GATD1: variants seen among roughly 807,000 people sequenced by gnomAD.
GATD1 encodes glutamine amidotransferase class 1 domain containing 1.
In GATD1, 23 loss-of-function variants were observed where a neutral mutation model predicts 25.9. That is an observed-to-expected ratio of 0.89 (90% CI 0.64 to 1.26). The LOEUF (loss-of-function observed/expected upper bound fraction) is 1.26, where lower values mean the gene tolerates loss of function less well. Among genes scored for constraint, GATD1 ranks in the 50% most tolerant of loss-of-function variants. The pLI, the probability that GATD1 is intolerant of heterozygous loss-of-function variation, is 0.00. For missense variants in GATD1, 347 were observed against 312.5 expected (o/e 1.11, Z -0.83); for synonymous variants, 177 against 134.6 (o/e 1.31, Z -2.18).
chr11:770,740 C>A lies in GATD1; in HGVS notation c.*157G>T. 2 of 1,492,380 alleles carry A rather than the reference C, an allele frequency of 1.3e-6. No homozygotes were observed. The highest frequency in any genetic ancestry group is 1.8e-6 in the Non-Finnish European group (2 of 1,127,654). The allele number at this position is 1,492,380 out of a possible 1,614,324, so 92.4% of individuals were successfully genotyped here. On this transcript the variant is annotated 3_prime_UTR_variant, in exon 8 of 8. Transcript: ENST00000319863. Reference sequence around the variant, plus strand: ...CAGGAGAGCCGACACCCCCTCAGAGCTGATTCCAGGAGGCCTCCAACAATC... The same window carrying A: ...CAGGAGAGCCGACACCCCCTCAGAGATGATTCCAGGAGGCCTCCAACAATC...
rs778791896 is a variant in GATD1, at chr11:772,459, A to T, written c.418T>A (p.Ser140Thr). Residue 140 changes from serine (S) to threonine (T), a missense_variant, in exon 5 of 8, where the codon TCC becomes ACC. Ser to Thr is a moderately conservative substitution (Grantham distance 58, BLOSUM62 1). Transcript: ENST00000319863. ...ALCCATNEDR[S>T]WVFDSYSLTG... ...AGGCTGTAGCTGTCGAACACCCAGG[A>T]TCTGTCCTCGTTGGTGGCACAGCAC... 12 of 1,613,416 alleles carry T rather than the reference A, an allele frequency of 7.4e-6. No individual in the cohort carries two copies. In the Admixed American group the frequency reaches 1.8e-4, roughly 25 times the overall value.
rs1863312848 is a variant in GATD1, at chr11:770,247, G to A, written c.*650C>T. 7.1e-7 allele frequency: 1 copy of A among 1,410,434 alleles called. No individual in the cohort carries two copies. The highest frequency in any genetic ancestry group is 9.3e-7 in the Non-Finnish European group (1 of 1,077,904). The allele number at this position is 1,410,434 out of a possible 1,614,324, so 87.4% of individuals were successfully genotyped here. ...ACTTTCCTATCATTGAGAATCTCAT[G>A]GTCTCATATTCACAAGTAAACGTGC... is the stretch of plus-strand genomic sequence containing the variant. On this transcript the variant is annotated 3_prime_UTR_variant, in exon 8 of 8. Transcript: ENST00000319863.
chr11:771,566 T>C, intron 5 of GATD1, 140 bp from the exon 6 acceptor site: 1 of 1,408,300 alleles, frequency 7.1e-7, no homozygotes, highest in Non-Finnish European at 9.2e-7. Context: ...CAGGGACAGC[T>C]GCTAAGGCTG....
intron 3 of GATD1, 104 bp from the exon 4 acceptor site, chr11:773,733 G>A: frequency 1.2e-6 from 1 of 847,196 alleles, no homozygotes. Flanking sequence ...ACAGGGACCA[G>A]CCAGCCTGGT....
In GATD1 at chr11:774,009, A is replaced by G. The variant is rs983902313; in HGVS notation, c.246T>C (p.Asp82=). 6.2e-7 allele frequency: 1 copy of G among 1,613,452 alleles called. No homozygotes were observed. Among genetic ancestry groups the G allele is most frequent in the Non-Finnish European group, 8.5e-7 (1 of 1,179,886 alleles). The change falls in exon 3 of 8, where the codon GAT becomes GAC. Residue 82 remains aspartate (D), a splice_region_variant and synonymous_variant. Transcript: ENST00000319863. ...YASPAKLESI[D]GARYHALLIP... ...CCAAGGAGTGGGTCCCGGGCCTACCATCGATGGACTCGAGCTTGGCGGGGC... is the reference window on the plus strand; with the variant it reads ...CCAAGGAGTGGGTCCCGGGCCTACCGTCGATGGACTCGAGCTTGGCGGGGC...
In GATD1 at chr11:769,323, T is replaced by C. The variant is rs1863236001; in HGVS notation, c.*1574A>G. The C allele has an allele frequency of 7.1e-6, 7 of 982,000 alleles. No individual in the cohort carries two copies. In the South Asian group the frequency reaches 2.8e-4, roughly 40 times the overall value. 60.8% of individuals were successfully genotyped at this position (982,000 alleles called of 1,614,324 possible). A position where few individuals can be genotyped will look rare whatever the true frequency, so the allele number is the denominator to read the frequency against. Reference sequence around the variant, plus strand: ...TTCTCCTTATTGAACGGCTTTATTTTATTATTTTTTATTTTTGAGACGGAG... The same window carrying C: ...TTCTCCTTATTGAACGGCTTTATTTCATTATTTTTTATTTTTGAGACGGAG... On this transcript the variant is annotated 3_prime_UTR_variant, in exon 8 of 8. Transcript: ENST00000319863.
rs574696377 is a variant in GATD1, at chr11:770,487, G to T, written c.*410C>A. Reference sequence around the variant, plus strand: ...CTCAAGGCCCCCACCAACAGTGAAAGAGGTGGTGGGTGGCAGACAGGCCAC... The same window carrying T: ...CTCAAGGCCCCCACCAACAGTGAAATAGGTGGTGGGTGGCAGACAGGCCAC... On this transcript the variant is annotated 3_prime_UTR_variant, in exon 8 of 8. Coordinates refer to ENST00000319863, the MANE Select transcript of GATD1 (RefSeq NM_182612.4). 37 of 1,440,102 alleles carry T rather than the reference G, an allele frequency of 2.6e-5. 1 individual carries two copies. In the South Asian group the frequency reaches 5.3e-4, roughly 21 times the overall value. 89.2% of individuals were successfully genotyped at this position (1,440,102 alleles called of 1,614,324 possible).
chr11:777,214 T>TCCCCGC (rs1864085879), intron 1 of GATD1, 185 bp downstream of exon 1: 1 of 41,102 alleles, frequency 2.4e-5, no homozygotes, highest in Non-Finnish European at 4.9e-5. Context: ...CCCGCCCCCG[T>TCCCCGC]CCCCGCCCCG....
chr11:773,546 G>A lies in GATD1; in HGVS notation c.331C>T (p.Leu111=), dbSNP rs765434239. ...LASSGSLARI[L]QHFHSESKPI... ...CTGCTCTCAGAGTGGAAGTGCTGCA[G>A]GATACGGGCCAGGGAGCCACTGCTG... The change falls in exon 4 of 8, where the codon CTG becomes TTG. Residue 111 remains leucine, a synonymous_variant. Transcript: ENST00000319863. The A allele has an allele frequency of 1.2e-6, 2 of 1,610,620 alleles. No homozygotes were observed. The highest frequency in any genetic ancestry group is 1.7e-6 in the Non-Finnish European group (2 of 1,179,110).
rs906417108 is a variant in GATD1, at chr11:769,493, G to A, written c.*1404C>T. ...CTGACACCACACCCGGCTCATTTTT[G>A]TATTTTAGTTTCACCATGTTGGCCA... On this transcript the variant is annotated 3_prime_UTR_variant, in exon 8 of 8. Transcript: ENST00000319863. 2 of 162,470 alleles carry A rather than the reference G, an allele frequency of 1.2e-5. No individual in the cohort carries two copies. The highest frequency in any genetic ancestry group is 4.8e-5 in the African/African-American group (2 of 41,354). The allele number at this position is 162,470 out of a possible 1,614,324, so 10.1% of individuals were successfully genotyped here.
At chr11:771,182 C>T (rs1156967204) in intron 6 of GATD1, 78 bp from the exon 7 acceptor site, 1 of 1,544,530 alleles carries the variant, frequency 6.5e-7, no homozygotes, top group Non-Finnish European at 8.7e-7. Context: ...GGCGGGCTCC[C>T]AGGGTCAGCA....
Position 767,544 on chromosome 11 carries a change from T to C in GATD1, c.*3353A>G. ...AAGCCCCACCTGCTTTGATCTTCAA[T>C]GCTGGGCTCAATGTCAGATCTGGCT... On this transcript the variant is annotated 3_prime_UTR_variant, in exon 8 of 8. Coordinates refer to ENST00000319863, the MANE Select transcript of GATD1 (RefSeq NM_182612.4). The C allele has an allele frequency of 4.2e-6, 6 of 1,423,306 alleles. No homozygotes were observed. Among genetic ancestry groups the C allele is most frequent in the Non-Finnish European group, 1.8e-6 (2 of 1,094,378 alleles). The allele number at this position is 1,423,306 out of a possible 1,614,324, so 88.2% of individuals were successfully genotyped here.
intron 3 of GATD1, 139 bp downstream of exon 3, chr11:773,869 G>C: frequency 1.3e-6 from 1 of 763,366 alleles, no homozygotes; most frequent in Admixed American, 2.7e-5. Context: ...CCAGGATGTG[G>C]GGCTGGAGGC....
Position 773,590 on chromosome 11 carries a change from C to G in GATD1, c.287G>C (p.Gly96Ala), listed in dbSNP as rs1267417028. The G allele has an allele frequency of 1.2e-6, 2 of 1,609,568 alleles. No homozygotes were observed. The highest frequency in any genetic ancestry group is 8.5e-7 in the Non-Finnish European group (1 of 1,178,920). The part of the protein sequence containing the change: ...YHALLIPSCP[G>A]ALTDLASSGS... The stretch of plus-strand genomic sequence containing the variant: ...ACTGCTGGCCAGGTCGGTCAGGGCC[C>G]CAGGACAGCTGGGGATCAGGAGGGC... Residue 96 changes from glycine to alanine, a missense_variant, in exon 4 of 8, where the codon GGG (glycine) becomes GCG (alanine). Physicochemically the swap from Gly to Ala is moderately conservative, Grantham distance 60. Coordinates refer to ENST00000319863, the MANE Select transcript of GATD1 (RefSeq NM_182612.4).
intron 1 of GATD1, 124 bp from the exon 2 acceptor site, chr11:775,266 A>G (rs1329780766): frequency 6.9e-6 from 5 of 722,392 alleles, no homozygotes; most frequent in Non-Finnish European, 1.1e-5. Context: ...CCTCTCCCCT[A>G]CACCCAAGAA....
chr11:775,080 C>G lies in GATD1; in HGVS notation c.127G>C (p.Val43Leu). The change falls in exon 2 of 8, where the codon GTG (valine) becomes CTG (leucine). Residue 43 changes from valine to leucine, a missense_variant. Transcript: ENST00000319863. ...GCTGGACTTACCCCAGGGGTGGCCA[C>G]CTGCAGGTTGAAGGCGGTGCTGGCC... is the stretch of plus-strand genomic sequence containing the variant. Reference protein sequence around the residue: ...TMASTAFNLQVATPGGKAMEF... With the variant: ...TMASTAFNLQLATPGGKAMEF... 6.2e-7 allele frequency: 1 copy of G among 1,604,252 alleles called. No individual in the cohort carries two copies. The highest frequency in any genetic ancestry group is 8.5e-7 in the Non-Finnish European group (1 of 1,176,694).
chr11:769,180 C>G lies in GATD1; in HGVS notation c.*1717G>C. 2 of 985,440 alleles carry G rather than the reference C, an allele frequency of 2.0e-6. No homozygotes were observed. The highest frequency in any genetic ancestry group is 4.7e-5 in the South Asian group (1 of 21,286). 61.0% of individuals were successfully genotyped at this position (985,440 alleles called of 1,614,324 possible). ...GGATGAGAGTGGACCCGGGACAGAGCAAGGCCCCGTGGCCAGTGCTAAGTG... is the reference window on the plus strand; with the variant it reads ...GGATGAGAGTGGACCCGGGACAGAGGAAGGCCCCGTGGCCAGTGCTAAGTG... On this transcript the variant is annotated 3_prime_UTR_variant, in exon 8 of 8. Transcript: ENST00000319863.
At chr11:773,737 G>A (rs1863685106) in intron 3 of GATD1, 108 bp from the exon 4 acceptor site, 4 of 811,640 alleles carry the variant, frequency 4.9e-6, no homozygotes, top group African/African-American at 1.7e-5. Context: ...GGACCAGCCA[G>A]CCTGGTGATG....
intron 1 of GATD1, among the ~76,000 whole-genome samples, chr11:775,974 TTC>T: frequency 7.9e-6 from 1 of 126,644 alleles, no homozygotes; most frequent in Non-Finnish European, 1.6e-5. Context: ...TTTATCTTCA[TTC>T]TTTTTTTTTT....
Sources: gnomAD v4.1 joint callset for allele counts (sites outside exome capture counted in the v4.1 genomes callset) on GRCh38, gnomAD v4.1.1 for gene constraint, MANE v1.5 for transcripts, NCBI Gene and HGNC (gene_info 2026-07-23, HGNC 2026-07-21) for gene names.